CAMK2G: variants seen among roughly 807,000 people sequenced by gnomAD.
CAMK2G encodes calcium/calmodulin dependent protein kinase II gamma, also known as calcium/calmodulin-dependent protein kinase type II subunit gamma.
In CAMK2G, 23 loss-of-function variants were observed where a neutral mutation model predicts 88.7. The ratio of observed to expected loss-of-function variants is 0.26; its 90% CI spans 0.19 to 0.37. The LOEUF (loss-of-function observed/expected upper bound fraction) is 0.37, where lower values mean the gene tolerates loss of function less well. Ranked by LOEUF, CAMK2G falls within the 10% of genes least tolerant of loss-of-function variation. The probability of loss-of-function intolerance (pLI) is 1.00; values close to 1 mark genes in which losing one functional copy is unlikely to be tolerated. For synonymous variants in CAMK2G, 263 were observed against 294.8 expected (o/e 0.89, Z 1.11); for missense variants, 476 against 780.8 (o/e 0.61, Z 4.65).
At chr10:73,817,776 T>C in intron 19 of CAMK2G, 1 of 568,346 alleles carries the variant, frequency 1.8e-6, no homozygotes, top group Middle Eastern at 4.7e-4. Context: ...GCCCAGCCAT[T>C]AGTTATGGTT....
At chr10:73,846,998 AGCCATGAGTGG>A in intron 10 of CAMK2G, 1 of 521,378 alleles carries the variant, frequency 1.9e-6, no homozygotes, top group Non-Finnish European at 3.4e-6. Context: ...CCAGCCTGAC[AGCCATGAGTGG>A]GGGAGAGAGG....
At chr10:73,816,065 A>T in intron 21 of CAMK2G, 1 of 985,500 alleles carries the variant, frequency 1.0e-6, no homozygotes, top group Non-Finnish European at 1.2e-6. Flanking sequence ...GAAGTTAGTG[A>T]CTAACTATAA....
In CAMK2G at chr10:73,854,766, C is replaced by T. The variant is rs555583013; in HGVS notation, c.221-1520G>A. The stretch of plus-strand genomic sequence containing the variant: ...GTATACAACCCAGCCGGCACAGTCC[C>T]GAGGCACTGAACCACCACTATAGCC... On this transcript the variant is annotated intron_variant, in intron 3 of 22. Coordinates refer to ENST00000423381, the MANE Select transcript of CAMK2G (RefSeq NM_001367534.1). Among the ~76,000 whole-genome samples, 575 of 152,252 alleles carry T rather than the reference C, an allele frequency of 3.8e-3. 2 individuals are homozygous for T. Among genetic ancestry groups the T allele is most frequent in the African/African-American group, 0.013 (544 of 41,540 alleles).
Position 73,839,467 on chromosome 10 carries a change from C to A in CAMK2G, c.1009+72G>T. The stretch of plus-strand genomic sequence containing the variant: ...GACTCGCCTCCCTGGTGAGTGGGCC[C>A]GGCATGCTGGCCCTCCTGGTGGGGT... On this transcript the variant is annotated intron_variant, in intron 13 of 22. Transcript: ENST00000423381. This position sits in a 1 kb window ranked among gnomAD's most constrained non-coding sequence, Gnocchi z 4.2. The A allele has an allele frequency of 3.4e-6, 3 of 873,256 alleles. No individual in the cohort carries two copies. Among genetic ancestry groups the A allele is most frequent in the African/African-American group, 1.7e-5 (1 of 57,682 alleles). The allele number at this position is 873,256 out of a possible 1,614,324, so 54.1% of individuals were successfully genotyped here. A position where few individuals can be genotyped will look rare whatever the true frequency, so the allele number is the denominator to read the frequency against.
rs199637945 is a variant in CAMK2G, at chr10:73,849,140, T to C, written c.415-25A>G. ...GCTGCAGAAGAAACACAGAGAACCT[T>C]GTGAGCACCCACCCTGCAGCCCAGA... On this transcript the variant is annotated intron_variant, in intron 6 of 22. Coordinates refer to ENST00000423381, the MANE Select transcript of CAMK2G (RefSeq NM_001367534.1). 10 of 1,598,880 alleles carry C rather than the reference T, an allele frequency of 6.3e-6. No individual in the cohort carries two copies. The African/African-American group carries it at 1.2e-4, about 19-fold the overall frequency.
intron 2 of CAMK2G, among the ~76,000 whole-genome samples, chr10:73,871,885 T>C (rs2095845092): frequency 1.3e-5 from 2 of 152,200 alleles, no homozygotes; most frequent in Middle Eastern, 3.4e-3. Flanking sequence ...GCCCGTGGAA[T>C]TGTAGAGCTT....
chr10:73,859,490 G>GT (rs1445345514), intron 3 of CAMK2G, among the ~76,000 whole-genome samples: 2 of 152,238 alleles, frequency 1.3e-5, no homozygotes, highest in African/African-American at 4.8e-5. Context: ...TGTTCTAGGT[G>GT]TTTCCCTCTG....
chr10:73,830,909 T>A (rs1335411824), intron 14 of CAMK2G, among the ~76,000 whole-genome samples: 1 of 152,132 alleles, frequency 6.6e-6, no homozygotes, highest in Non-Finnish European at 1.5e-5. Flanking sequence ...ACTTAAGCAG[T>A]AGGAATTGAG....
chr10:73,824,226 A>G (rs940928411), intron 16 of CAMK2G, 142 bp from the exon 17 acceptor site: 4 of 645,924 alleles, frequency 6.2e-6, no homozygotes, highest in Non-Finnish European at 8.4e-6. Context: ...CCAGAAGACA[A>G]AATATCCCGG....
intron 3 of CAMK2G, among the ~76,000 whole-genome samples, chr10:73,858,734 A>G (rs747033071): frequency 1.3e-5 from 2 of 152,264 alleles, no homozygotes; most frequent in Non-Finnish European, 2.9e-5. Context: ...GCAGATGGTA[A>G]AAGTAAAGGG....
At position 73,870,832 on chromosome 10, in the gene CAMK2G, T is replaced by C. The variant is rs533131371; in HGVS notation, c.160+2157A>G. Among the ~76,000 whole-genome samples the C allele has an allele frequency of 4.6e-5, 7 of 152,280 alleles. 1 individual carries two copies. In the South Asian group the frequency reaches 1.5e-3, roughly 32 times the overall value. ...CAGGGAAGCCATGGCCCTCACTCCCTAACCCCATGGGAACCAGCCCATGGC... is the reference window on the plus strand; with the variant it reads ...CAGGGAAGCCATGGCCCTCACTCCCCAACCCCATGGGAACCAGCCCATGGC... On this transcript the variant is annotated intron_variant, in intron 2 of 22. Coordinates refer to ENST00000423381, the MANE Select transcript of CAMK2G (RefSeq NM_001367534.1).
rs570342694 is a variant in CAMK2G, at chr10:73,831,785, G to A, written c.1054-3664C>T. Among the ~76,000 whole-genome samples the A allele has an allele frequency of 8.2e-4, 124 of 152,132 alleles. 1 individual carries two copies. The South Asian group carries it at 0.013, about 17-fold the overall frequency. On this transcript the variant is annotated intron_variant, in intron 14 of 22. Coordinates refer to ENST00000423381, the MANE Select transcript of CAMK2G (RefSeq NM_001367534.1). ...TGAGGTGGAAGAATCACTTGAGCCC[G>A]GGAGGCGGAGGTTGCAGTGAGCCAA...
intron 14 of CAMK2G, among the ~76,000 whole-genome samples, chr10:73,829,973 C>A (rs2092138234): frequency 6.6e-6 from 1 of 152,204 alleles, no homozygotes; most frequent in Non-Finnish European, 1.5e-5. Flanking sequence ...TAGGCACTCA[C>A]TCACCAGGCC....
chr10:73,851,398 G>C (rs565146034), intron 5 of CAMK2G, among the ~76,000 whole-genome samples: 1 of 152,280 alleles, frequency 6.6e-6, no homozygotes, highest in East Asian at 1.9e-4. Flanking sequence ...GCATGTGGCC[G>C]GGGAACGGTC....
chr10:73,867,228 C>A (rs1673659380), intron 2 of CAMK2G, among the ~76,000 whole-genome samples: 1 of 152,210 alleles, frequency 6.6e-6, no homozygotes, highest in South Asian at 2.1e-4. Context: ...GATCTCAAGG[C>A]AAGGGAAGCG....
At chr10:73,870,545 T>G (rs1435026246) in intron 2 of CAMK2G, among the ~76,000 whole-genome samples, 2 of 152,120 alleles carry the variant, frequency 1.3e-5, no homozygotes, top group Non-Finnish European at 2.9e-5. Context: ...TCACCAGGGA[T>G]GCCAAGGAGA....
At chr10:73,857,143 C>T (rs1316140509) in intron 3 of CAMK2G, among the ~76,000 whole-genome samples, 4 of 152,140 alleles carry the variant, frequency 2.6e-5, no homozygotes, top group Non-Finnish European at 5.9e-5. Flanking sequence ...TATTTGCAAC[C>T]GTTTCTTTGC....
intron 15 of CAMK2G, among the ~76,000 whole-genome samples, chr10:73,827,779 A>G (rs1379850054): frequency 6.6e-6 from 1 of 152,210 alleles, no homozygotes; most frequent in Non-Finnish European, 1.5e-5. Flanking sequence ...CTGGGTGACA[A>G]GAGAGTGAGG....
At chr10:73,817,625 C>A (rs2086127345) in intron 19 of CAMK2G, 71 bp from the exon 20 acceptor site, 1 of 949,058 alleles carries the variant, frequency 1.1e-6, no homozygotes, top group Non-Finnish European at 1.7e-6. Flanking sequence ...CCTCCCCAGT[C>A]CTCAGGAGTC....
Sources: allele counts gnomAD v4.1 joint callset (sites outside exome capture counted in the v4.1 genomes callset), GRCh38; gene constraint gnomAD v4.1.1; non-coding constraint Gnocchi (gnomAD v3.1); transcripts MANE v1.5; gene names NCBI Gene and HGNC (gene_info 2026-07-23, HGNC 2026-07-21).